DCDC2C: variants seen among roughly 807,000 people sequenced by gnomAD.
DCDC2C encodes the protein doublecortin domain-containing protein 2C.
A neutral mutation model predicts 45.0 loss-of-function variants in DCDC2C; 44 were observed. The ratio of observed to expected loss-of-function variants is 0.98; its 90% CI spans 0.77 to 1.26. The LOEUF (loss-of-function observed/expected upper bound fraction) is 1.26, where lower values mean the gene tolerates loss of function less well. Among genes scored for constraint, DCDC2C ranks in the 50% most tolerant of loss-of-function variants. DCDC2C has a pLI of 0.00. For synonymous variants in DCDC2C, 187 were observed against 178.8 expected (o/e 1.05, Z -0.37); for missense variants, 447 against 468.9 (o/e 0.95, Z 0.43).
chr2:3,733,755 T>C (rs1558569169), intron 3 of DCDC2C, among the ~76,000 whole-genome samples: 1 of 152,146 alleles, frequency 6.6e-6, no homozygotes, highest in Non-Finnish European at 1.5e-5. Flanking sequence ...TGAATCACCT[T>C]TTAAAGGCCT....
intron 10 of DCDC2C, among the ~76,000 whole-genome samples, chr2:3,836,785 C>T (rs1161710179): frequency 6.6e-6 from 1 of 151,466 alleles, no homozygotes; most frequent in Non-Finnish European, 1.5e-5. Context: ...TGACGTGAAC[C>T]CGGGAGGCGG....
At chr2:3,802,669 T>C (rs1408144026) in intron 10 of DCDC2C, among the ~76,000 whole-genome samples, 1 of 152,320 alleles carries the variant, frequency 6.6e-6, no homozygotes, top group Non-Finnish European at 1.5e-5. Context: ...CTCTGGGGTC[T>C]CTTCTAGAAG....
chr2:3,820,263 G>A (rs987770817), intron 10 of DCDC2C, among the ~76,000 whole-genome samples: 8 of 152,292 alleles, frequency 5.3e-5, no homozygotes, highest in Admixed American at 2.6e-4. Flanking sequence ...TTGGGGCCAA[G>A]TGGTGTTGCA....
intron 10 of DCDC2C, among the ~76,000 whole-genome samples, chr2:3,820,759 T>G (rs1270825603): frequency 1.3e-5 from 2 of 150,696 alleles, no homozygotes; most frequent in African/African-American, 4.9e-5. Context: ...GAGAGGGAGA[T>G]TGAAGGGTAG....
intron 6 of DCDC2C, among the ~76,000 whole-genome samples, chr2:3,758,143 C>A (rs143956931): frequency 3.2e-4 from 49 of 152,324 alleles, no homozygotes; most frequent in African/African-American, 1.1e-3. Flanking sequence ...CTGTGACATT[C>A]CCAGTGAGGT....
chr2:3,778,142 G>A (rs79236157), intron 8 of DCDC2C, among the ~76,000 whole-genome samples: 28 of 150,294 alleles, frequency 1.9e-4, no homozygotes, highest in Middle Eastern at 7.0e-3. Flanking sequence ...AGGAGGCGCC[G>A]GGGCCTCCAT....
At chr2:3,775,110 CTGAGCTAGGCAGCTGTGGCTG>C (rs1196273329) in intron 8 of DCDC2C, among the ~76,000 whole-genome samples, 11,150 of 102,560 alleles carry the variant, frequency 0.11, 2,198 homozygotes, top group East Asian at 0.26. Flanking sequence ...GGGAGTGGCT[CTGAGCTAGGCAGCTGTGGCTG>C]TGAGCTAGGC....
intron 2 of DCDC2C, among the ~76,000 whole-genome samples, chr2:3,714,848 A>G (rs1166347678): frequency 2.0e-5 from 3 of 152,212 alleles, no homozygotes; most frequent in Non-Finnish European, 4.4e-5. Context: ...GATCTTGCCA[A>G]TGGCGAGACC....
At chr2:3,840,190 A>G (rs928629361) in intron 10 of DCDC2C, among the ~76,000 whole-genome samples, 5 of 152,158 alleles carry the variant, frequency 3.3e-5, no homozygotes, top group Non-Finnish European at 5.9e-5. Context: ...GCTATTTACT[A>G]TTGAGATTTT....
intron 10 of DCDC2C, among the ~76,000 whole-genome samples, chr2:3,809,078 G>A (rs1051302567): frequency 6.6e-6 from 1 of 152,024 alleles, no homozygotes. Flanking sequence ...GTTTGTTTCT[G>A]GACTCTATGT....
At chr2:3,748,548 T>C (rs1669441572) in intron 4 of DCDC2C, among the ~76,000 whole-genome samples, 1 of 151,984 alleles carries the variant, frequency 6.6e-6, no homozygotes, top group Non-Finnish European at 1.5e-5. Context: ...ACGCGTCCAG[T>C]TGGTGAGGCA....
At chr2:3,804,143 T>TA (rs1671176983) in intron 10 of DCDC2C, among the ~76,000 whole-genome samples, 1 of 152,020 alleles carries the variant, frequency 6.6e-6, no homozygotes, top group African/African-American at 2.4e-5. Context: ...ATTTCCCTGG[T>TA]AGCCAGTGAC....
chr2:3,845,143 A>G (rs1346301639), intron 10 of DCDC2C, among the ~76,000 whole-genome samples: 3 of 152,176 alleles, frequency 2.0e-5, no homozygotes. Flanking sequence ...CTTTAAGGGT[A>G]TGCACGAGGT....
At chr2:3,717,839 C>T (rs1295657493) in intron 2 of DCDC2C, among the ~76,000 whole-genome samples, 1 of 152,192 alleles carries the variant, frequency 6.6e-6, no homozygotes, top group Non-Finnish European at 1.5e-5. Context: ...TATCCTCAAG[C>T]CAGGGTTTTG....
At chr2:3,719,630 G>A (rs1558561776) in intron 2 of DCDC2C, among the ~76,000 whole-genome samples, 2 of 152,322 alleles carry the variant, frequency 1.3e-5, no homozygotes, top group Admixed American at 1.3e-4. Context: ...CAGGGGGTTC[G>A]ACGGGGCTTT....
intron 10 of DCDC2C, among the ~76,000 whole-genome samples, chr2:3,823,666 T>C (rs1671745953): frequency 6.6e-6 from 1 of 152,220 alleles, no homozygotes; most frequent in Non-Finnish European, 1.5e-5. Flanking sequence ...TTCATGGATA[T>C]AGAATTCTGT....
intron 2 of DCDC2C, among the ~76,000 whole-genome samples, chr2:3,726,352 C>T (rs1382667305): frequency 1.3e-5 from 2 of 152,078 alleles, no homozygotes; most frequent in South Asian, 2.1e-4. Flanking sequence ...TGCTTTTCTG[C>T]ACATTCTTAA....
intron 10 of DCDC2C, among the ~76,000 whole-genome samples, chr2:3,840,919 C>T (rs1253614478): frequency 6.6e-6 from 1 of 152,200 alleles, no homozygotes; most frequent in Non-Finnish European, 1.5e-5. Flanking sequence ...TCCCCATGTG[C>T]TCATGTGGAC....
chr2:3,741,100 T>C (rs1669192409), intron 3 of DCDC2C, among the ~76,000 whole-genome samples: 1 of 152,228 alleles, frequency 6.6e-6, no homozygotes, highest in Admixed American at 6.5e-5. Flanking sequence ...ACTAACTTTG[T>C]GTTGGGTTTT....
Sources: allele counts gnomAD v4.1 joint callset (sites outside exome capture counted in the v4.1 genomes callset), GRCh38; gene constraint gnomAD v4.1.1; transcripts MANE v1.5; gene names NCBI Gene and HGNC (gene_info 2026-07-23, HGNC 2026-07-21).